TRNAU1AP: variants seen among roughly 807,000 people sequenced by gnomAD.
TRNAU1AP encodes the protein tRNA selenocysteine 1-associated protein 1.
TRNAU1AP carries 33 observed loss-of-function variants against 43.3 expected under a neutral mutation model. The ratio of observed to expected loss-of-function variants is 0.76; its 90% CI spans 0.58 to 1.02. TRNAU1AP has a LOEUF of 1.02. Among genes scored for constraint, TRNAU1AP ranks in the 50% least tolerant of loss-of-function variants. The pLI is 0.00. For synonymous variants in TRNAU1AP, 143 were observed against 129.1 expected, an observed-to-expected ratio of 1.11 and a Z score of -0.73; for missense variants, 290 against 362.7, an observed-to-expected ratio of 0.80 and a Z score of 1.63.
chr1:28,572,954 ATATAG>A (rs1273563371), intron 8 of TRNAU1AP, among the ~76,000 whole-genome samples: 1 of 152,040 alleles, frequency 6.6e-6, no homozygotes, highest in Non-Finnish European at 1.5e-5. Context: ...GAAAAAGAAA[ATATAG>A]TAAAGTATAA....
At chr1:28,567,217 CCTTA>C in intron 5 of TRNAU1AP, 73 bp from the exon 6 acceptor site, 1 of 1,518,738 alleles carries the variant, frequency 6.6e-7, no homozygotes, top group Non-Finnish European at 9.0e-7. Context: ...ACCTTCTTAT[CCTTA>C]CTTCTTTTTC....
intron 5 of TRNAU1AP, chr1:28,565,809 T>A (rs12094369): frequency 1.0e-5 from 1 of 99,262 alleles, no homozygotes; most frequent in African/African-American, 4.8e-5. Context: ...AAAGAAAAAA[T>A]GGAAATCGAA....
Position 28,553,737 on chromosome 1 carries a change from G to C in TRNAU1AP, c.125G>C (p.Gly42Ala). ...AAAATTATCCGAAACCGCCTCACTG[G>C]GTAAGTCTCATCTCAGGTCTCTCTT... ...SVKIIRNRLT[G>A]IPAGYCFVEF... The change falls in exon 2 of 9, where the codon GGG becomes GCG. Residue 42 changes from glycine to alanine, a missense_variant and splice_region_variant. By Grantham distance (60) the Gly-to-Ala change is moderately conservative (BLOSUM62 0). This residue lies in a region of TRNAU1AP where 174 missense variants were observed against 262.1 expected (regional missense o/e 0.66). Transcript: ENST00000373830. 1 of 1,613,616 alleles carries C rather than the reference G, an allele frequency of 6.2e-7. No individual in the cohort carries two copies. Among genetic ancestry groups the C allele is most frequent in the Non-Finnish European group, 8.5e-7 (1 of 1,179,568 alleles).
In TRNAU1AP at chr1:28,571,848, A is replaced by T; in HGVS notation, c.694-19A>T. ...GGATTTCACCATGCCCCTAACCCAC[A>T]TCTCTGGTCTCTTGGCAGACATATG... On this transcript the variant is annotated intron_variant, in intron 7 of 8. Transcript: ENST00000373830. 1 of 1,598,336 alleles carries T rather than the reference A, an allele frequency of 6.3e-7. No individual in the cohort carries two copies. The highest frequency in any genetic ancestry group is 8.5e-7 in the Non-Finnish European group (1 of 1,171,776).
chr1:28,561,326 G>GT lies in TRNAU1AP; in HGVS notation c.226-17dup. 6.2e-7 allele frequency: 1 copy of GT among 1,613,986 alleles called. No homozygotes were observed. Among genetic ancestry groups the GT allele is most frequent in the Non-Finnish European group, 8.5e-7 (1 of 1,179,960 alleles). Reference sequence around the variant, plus strand: ...GAAACACCTTTCTCTGTTTTAGTTTGTTTGTTTTTCAACTTCCAGGCGAAA... The same window carrying GT: ...GAAACACCTTTCTCTGTTTTAGTTTGTTTTGTTTTTCAACTTCCAGGCGAAA... On this transcript the variant is annotated intron_variant, in intron 3 of 8. Transcript: ENST00000373830.
rs200155293 is a variant in TRNAU1AP, at chr1:28,553,746, C to T, written c.125+9C>T. The T allele has an allele frequency of 6.4e-5, 103 of 1,610,636 alleles. No homozygotes were observed. The highest frequency in any genetic ancestry group is 8.1e-5 in the Non-Finnish European group (95 of 1,176,932). ...CGAAACCGCCTCACTGGGTAAGTCT[C>T]ATCTCAGGTCTCTCTTAATACATCT... On this transcript the variant is annotated intron_variant, in intron 2 of 8. Coordinates refer to ENST00000373830, the MANE Select transcript of TRNAU1AP (RefSeq NM_017846.5).
intron 4 of TRNAU1AP, among the ~76,000 whole-genome samples, chr1:28,563,942 G>C (rs1665478188): frequency 6.6e-6 from 1 of 151,970 alleles, no homozygotes; most frequent in Non-Finnish European, 1.5e-5. Context: ...GGTAAACTTT[G>C]GCCTGATTTG....
intron 2 of TRNAU1AP, among the ~76,000 whole-genome samples, chr1:28,556,975 C>A (rs1023521079): frequency 2.6e-5 from 4 of 151,448 alleles, no homozygotes; most frequent in Non-Finnish European, 4.4e-5. Context: ...CTGCGCCCGG[C>A]CTAATTTTTT....
In TRNAU1AP at chr1:28,571,231, T is replaced by C; in HGVS notation, c.586T>C (p.Tyr196His). 6.2e-7 allele frequency: 1 copy of C among 1,614,068 alleles called. No individual in the cohort carries two copies. Among genetic ancestry groups the C allele is most frequent in the South Asian group, 1.1e-5 (1 of 91,082 alleles). Residue 196 changes from tyrosine (Y) to histidine (H), a missense_variant, in exon 7 of 9, where the codon TAT (tyrosine) becomes CAT (histidine). By Grantham distance (83) the Tyr-to-His change is moderately conservative. Coordinates refer to ENST00000373830, the MANE Select transcript of TRNAU1AP (RefSeq NM_017846.5). ...GATGTACAGTTATAGCTACAACCAG[T>C]ATTATCAGCAGTACCAGAACTACTA... ...SQMYSYSYNQ[Y>H]YQQYQNYYAQ...
At chr1:28,569,844 A>AT (rs1160969547) in intron 6 of TRNAU1AP, among the ~76,000 whole-genome samples, 6 of 149,584 alleles carry the variant, frequency 4.0e-5, no homozygotes, top group Admixed American at 3.3e-4. Context: ...AAAAAAAAAA[A>AT]AAAAAAATTA....
intron 2 of TRNAU1AP, among the ~76,000 whole-genome samples, chr1:28,560,279 C>A (rs1370335820): frequency 2.2e-5 from 3 of 137,778 alleles, no homozygotes; most frequent in Non-Finnish European, 4.7e-5. Context: ...CATCTTGAGC[C>A]TTTTTTTTTT....
chr1:28,560,520 C>G, intron 2 of TRNAU1AP, 113 bp from the exon 3 acceptor site: 1 of 762,770 alleles, frequency 1.3e-6, no homozygotes. Flanking sequence ...CAGTGATCCA[C>G]CTGCCTTGGC....
intron 1 of TRNAU1AP, 61 bp from the exon 2 acceptor site, chr1:28,553,579 G>A: frequency 6.5e-7 from 1 of 1,529,626 alleles, no homozygotes. Context: ...GAGGGGCTCT[G>A]GAACCCGGAG....
In TRNAU1AP at chr1:28,577,646, A is replaced by G; in HGVS notation, c.*10A>G. Reference sequence around the variant, plus strand: ...CCCTGCCATGATGTAGCCAGGCCAAAGGACAAGCCAGGTTGCATGATGTGA... The same window carrying G: ...CCCTGCCATGATGTAGCCAGGCCAAGGGACAAGCCAGGTTGCATGATGTGA... On this transcript the variant is annotated 3_prime_UTR_variant, in exon 9 of 9. Transcript: ENST00000373830. 1 of 1,610,868 alleles carries G rather than the reference A, an allele frequency of 6.2e-7. No homozygotes were observed. Among genetic ancestry groups the G allele is most frequent in the East Asian group, 2.2e-5 (1 of 44,828 alleles).
rs149396925 is a variant in TRNAU1AP at position 28,564,738 on chromosome 1, C to T, written c.314C>T (p.Pro105Leu). 96 of 1,613,914 alleles carry T rather than the reference C, an allele frequency of 5.9e-5. No individual in the cohort carries two copies. Among genetic ancestry groups the T allele is most frequent in the East Asian group, 2.9e-4 (13 of 44,890 alleles). The change falls in exon 5 of 9, where the codon CCG (proline) becomes CTG (leucine). Residue 105 changes from proline (P) to leucine (L), a missense_variant. This residue lies in a region of TRNAU1AP where 174 missense variants were observed against 262.1 expected (regional missense o/e 0.66). Transcript: ENST00000373830. ...EYSLFVGDLT[P>L]DVDDGMLYEF... is the part of the protein sequence containing the mutation. ...TCCCTCTTTGTGGGGGACCTGACCC[C>T]GGACGTGGATGATGGCATGCTGTAT...
intron 6 of TRNAU1AP, among the ~76,000 whole-genome samples, chr1:28,570,571 TA>T: frequency 6.6e-6 from 1 of 151,698 alleles, no homozygotes; most frequent in African/African-American, 2.4e-5. Context: ...TTTTTTTTTT[TA>T]AACAGGATAT....
chr1:28,577,268 A>C (rs1437086228), intron 8 of TRNAU1AP, among the ~76,000 whole-genome samples: 1 of 152,204 alleles, frequency 6.6e-6, no homozygotes, highest in African/African-American at 2.4e-5. Context: ...CTAGAGACAC[A>C]GGTGTAGCTT....
In TRNAU1AP at chr1:28,561,378, C is replaced by T. The variant is rs148051047; in HGVS notation, c.258C>T (p.Tyr86=). 7.4e-6 allele frequency: 12 copies of T among 1,614,094 alleles called. No homozygotes were observed. The highest frequency in any genetic ancestry group is 2.2e-5 in the East Asian group (1 of 44,876). Residue 86 remains tyrosine, a synonymous_variant, in exon 4 of 9, where the codon TAC becomes TAT. Coordinates refer to ENST00000373830, the MANE Select transcript of TRNAU1AP (RefSeq NM_017846.5). ...AKRFKLNYAT[Y]GKQPDNSPEY... ...GTTTTAAACTGAACTATGCCACTTACGGGAAACAACCAGATAACAGGTAGG... is the reference window on the plus strand; with the variant it reads ...GTTTTAAACTGAACTATGCCACTTATGGGAAACAACCAGATAACAGGTAGG...
chr1:28,560,175 T>A (rs988478442), intron 2 of TRNAU1AP, among the ~76,000 whole-genome samples: 2 of 152,104 alleles, frequency 1.3e-5, no homozygotes, highest in Non-Finnish European at 2.9e-5. Context: ...TATTCAGGCT[T>A]GTAAATTAGG....
Sources: gnomAD v4.1 joint callset for allele counts (sites outside exome capture counted in the v4.1 genomes callset) on GRCh38, gnomAD v4.1.1 for gene constraint, gnomAD v4.1.1 regional missense constraint, MANE v1.5 for transcripts, NCBI Gene and HGNC (gene_info 2026-07-23, HGNC 2026-07-21) for gene names.